USO1: variants seen among roughly 807,000 people sequenced by gnomAD.
The protein encoded by USO1 is USO1 vesicle transport factor.
Under a neutral mutation model 124.5 loss-of-function variants are expected in USO1, and 57 were observed. The ratio of observed to expected loss-of-function variants is 0.46; its 90% CI spans 0.37 to 0.57. The LOEUF is 0.57. USO1 is among the 20% of genes least tolerant of loss of function. USO1 has a pLI of 0.00. For missense variants in USO1, 900 were observed against 1,040.6 expected (o/e 0.86, Z 1.86); for synonymous variants, 369 against 362.8 (o/e 1.02, Z -0.19).
In USO1 at chr4:75,754,802, T is replaced by C. The variant is rs539288431; in HGVS notation, c.218+2198T>C. Among the ~76,000 whole-genome samples the C allele has an allele frequency of 1.3e-3, 193 of 152,340 alleles. 2 individuals are homozygous for C. The highest frequency in any genetic ancestry group is 4.4e-4 in the Non-Finnish European group (30 of 68,032). ...GGCTCAGTGTCAATCACTTAAATAATTTCCACAGCCTCTGTGTTTGTTATC... is the reference window on the plus strand; with the variant it reads ...GGCTCAGTGTCAATCACTTAAATAACTTCCACAGCCTCTGTGTTTGTTATC... On this transcript the variant is annotated intron_variant, in intron 3 of 23. Coordinates refer to ENST00000514213, the MANE Select transcript of USO1 (RefSeq NM_003715.4).
At chr4:75,768,130 C>T (rs1721821036) in intron 4 of USO1, among the ~76,000 whole-genome samples, 1 of 152,194 alleles carries the variant, frequency 6.6e-6, no homozygotes, top group Admixed American at 6.5e-5. Context: ...GATCCTCCCA[C>T]CTCAGCCTCC....
chr4:75,766,817 G>A (rs1473416922), intron 4 of USO1, among the ~76,000 whole-genome samples: 1 of 152,208 alleles, frequency 6.6e-6, no homozygotes, highest in Non-Finnish European at 1.5e-5. Flanking sequence ...TTAAGTGGTT[G>A]AATATGAGTT....
chr4:75,736,696 A>G (rs981553736), intron 1 of USO1, among the ~76,000 whole-genome samples: 5 of 152,212 alleles, frequency 3.3e-5, no homozygotes, highest in South Asian at 2.1e-4. Flanking sequence ...ACTTTTGTTA[A>G]TTACACTAAA....
intron 1 of USO1, among the ~76,000 whole-genome samples, chr4:75,743,864 C>A (rs1721039140): frequency 6.6e-6 from 1 of 152,166 alleles, no homozygotes; most frequent in South Asian, 2.1e-4. Flanking sequence ...GCAAGCTCCG[C>A]CTCCTGGATT....
In USO1 at chr4:75,750,705, G is replaced by A. The variant is rs1038896203; in HGVS notation, c.67-1668G>A. On this transcript the variant is annotated intron_variant, in intron 1 of 23. Transcript: ENST00000514213. ...TCACCATGTTGGCCAGGATGGTCTC[G>A]ATCTCTTGACTTTGTGATCCACCCA... is the stretch of plus-strand genomic sequence containing the variant. Among the ~76,000 whole-genome samples, 715 of 132,506 alleles carry A rather than the reference G, an allele frequency of 5.4e-3. 2 individuals are homozygous for A. Among genetic ancestry groups the A allele is most frequent in the Middle Eastern group, 7.4e-3 (2 of 270 alleles). 86.9% of individuals were successfully genotyped at this position (132,506 alleles called of 152,430 possible).
chr4:75,737,960 T>A (rs1720842386), intron 1 of USO1, among the ~76,000 whole-genome samples: 1 of 151,710 alleles, frequency 6.6e-6, no homozygotes, highest in Admixed American at 6.6e-5. Context: ...CCTGAGTAGC[T>A]GGGATCACGG....
intron 4 of USO1, among the ~76,000 whole-genome samples, chr4:75,763,008 C>G (rs755888553): frequency 2.0e-5 from 3 of 152,222 alleles, no homozygotes; most frequent in Non-Finnish European, 2.9e-5. Flanking sequence ...GATATTTCTT[C>G]ACTCTGAGGA....
Position 75,789,802 on chromosome 4 carries a change from A to G in USO1, c.997-348A>G, listed in dbSNP as rs187436446. Among the ~76,000 whole-genome samples, 38 of 152,024 alleles carry G rather than the reference A, an allele frequency of 2.5e-4. 1 individual carries two copies. Among genetic ancestry groups the G allele is most frequent in the African/African-American group, 7.5e-4 (31 of 41,514 alleles). Reference sequence around the variant, plus strand: ...TTTTTCTGTTTTTATAAAATATTTTATCTCATAGAGAATAGTATAGTTTTT... The same window carrying G: ...TTTTTCTGTTTTTATAAAATATTTTGTCTCATAGAGAATAGTATAGTTTTT... On this transcript the variant is annotated intron_variant, in intron 10 of 23. Transcript: ENST00000514213.
intron 12 of USO1, among the ~76,000 whole-genome samples, chr4:75,792,125 C>T (rs891909468): frequency 1.3e-5 from 2 of 151,524 alleles, no homozygotes; most frequent in African/African-American, 4.9e-5. Context: ...TTAAGCCAGG[C>T]GTGGTGGCTT....
At chr4:75,726,301 A>AAAG (rs1491432909) in intron 1 of USO1, among the ~76,000 whole-genome samples, 1 of 148,360 alleles carries the variant, frequency 6.7e-6, no homozygotes, top group African/African-American at 2.5e-5. Flanking sequence ...AAAAAAAAAA[A>AAAG]GGGGTGAAGT....
chr4:75,783,675 C>T (rs998545953), intron 9 of USO1, among the ~76,000 whole-genome samples: 1 of 152,138 alleles, frequency 6.6e-6, no homozygotes, highest in Non-Finnish European at 1.5e-5. Flanking sequence ...AATGTTGTCC[C>T]ATGCCATGGG....
intron 1 of USO1, among the ~76,000 whole-genome samples, chr4:75,749,974 C>G (rs989194400): frequency 2.0e-5 from 3 of 152,056 alleles, no homozygotes; most frequent in Admixed American, 6.5e-5. Context: ...AGCATGGTCT[C>G]GATCTCCTGA....
intron 13 of USO1, chr4:75,795,394 T>C: frequency 2.9e-6 from 2 of 700,712 alleles, no homozygotes; most frequent in Non-Finnish European, 5.2e-6. Flanking sequence ...ATTTTCCTCT[T>C]ATAGCAAAGC....
intron 9 of USO1, among the ~76,000 whole-genome samples, chr4:75,784,792 A>G (rs563072036): frequency 1.1e-4 from 16 of 142,594 alleles, no homozygotes; most frequent in East Asian, 9.0e-4. Context: ...CTATCTCAGG[A>G]AAAAAAAAAA....
At chr4:75,801,782 A>G (rs1432187861) in intron 17 of USO1, among the ~76,000 whole-genome samples, 1 of 152,106 alleles carries the variant, frequency 6.6e-6, no homozygotes, top group Non-Finnish European at 1.5e-5. Flanking sequence ...ACAACTGTTT[A>G]TATCTTATTT....
intron 1 of USO1, among the ~76,000 whole-genome samples, chr4:75,730,323 A>G (rs564575634): frequency 2.0e-5 from 3 of 152,324 alleles, no homozygotes; most frequent in African/African-American, 7.2e-5. Context: ...AGTGTGTGCA[A>G]CGACCACTAA....
intron 1 of USO1, among the ~76,000 whole-genome samples, chr4:75,748,732 TAAG>T (rs947861153): frequency 6.6e-6 from 1 of 151,858 alleles, no homozygotes; most frequent in African/African-American, 2.4e-5. Context: ...GGTCTAAGAC[TAAG>T]AAGAAGCAGA....
chr4:75,732,899 G>T (rs1163272594), intron 1 of USO1, among the ~76,000 whole-genome samples: 1 of 26,594 alleles, frequency 3.8e-5, no homozygotes. Context: ...AAAAAAAAAA[G>T]TCATAGTTGG....
intron 3 of USO1, among the ~76,000 whole-genome samples, chr4:75,756,947 A>G (rs964687994): frequency 6.8e-6 from 1 of 146,982 alleles, no homozygotes; most frequent in African/African-American, 2.7e-5. Context: ...TTAGATTTTT[A>G]TATATGTATA....
Sources: gnomAD v4.1 joint callset for allele counts (sites outside exome capture counted in the v4.1 genomes callset) on GRCh38, gnomAD v4.1.1 for gene constraint, MANE v1.5 for transcripts, NCBI Gene and HGNC (gene_info 2026-07-23, HGNC 2026-07-21) for gene names.